Variants in RAPGEF2 observed in about 807,000 individuals in gnomAD.
RAPGEF2 encodes the protein PDZ domain containing guanine nucleotide exchange factor (GEF) 1.
In RAPGEF2, 54 loss-of-function variants were observed where a neutral mutation model predicts 186.7. That is an observed-to-expected ratio of 0.29 (90% CI 0.23 to 0.36). The LOEUF (loss-of-function observed/expected upper bound fraction) is 0.36, where lower values mean the gene tolerates loss of function less well. RAPGEF2 is among the 10% of genes least tolerant of loss of function. RAPGEF2 has a pLI of 1.00. For synonymous variants in RAPGEF2, 712 were observed against 705.9 expected (o/e 1.01, Z -0.14); for missense variants, 1,532 against 2,045.0 (o/e 0.75, Z 4.84).
At chr4:159,104,302 C>A in intron 1 of RAPGEF2, 71 bp downstream of exon 1, 1 of 800,760 alleles carries the variant, frequency 1.2e-6, no homozygotes, top group South Asian at 1.8e-5. Context: ...CCTGTCCCCC[C>A]ACCTCCTTCC....
intron 4 of RAPGEF2, among the ~76,000 whole-genome samples, chr4:159,219,867 A>G (rs1751367801): frequency 6.6e-6 from 1 of 152,202 alleles, no homozygotes; most frequent in South Asian, 2.1e-4. Flanking sequence ...TGATATGCGT[A>G]TACTTCTATC....
At chr4:159,280,859 A>G (rs1189322879) in intron 7 of RAPGEF2, among the ~76,000 whole-genome samples, 1 of 152,178 alleles carries the variant, frequency 6.6e-6, no homozygotes, top group East Asian at 1.9e-4. Context: ...AATAGGAAAG[A>G]ACTATTCCAA....
intron 3 of RAPGEF2, among the ~76,000 whole-genome samples, chr4:159,198,812 T>C (rs1414185185): frequency 6.6e-6 from 1 of 152,000 alleles, no homozygotes; most frequent in Non-Finnish European, 1.5e-5. Flanking sequence ...AATTTTATTA[T>C]GCTTATGTGT....
At chr4:159,351,135 T>A in intron 26 of RAPGEF2, 1 of 1,535,494 alleles carries the variant, frequency 6.5e-7, no homozygotes, top group Non-Finnish European at 8.7e-7. Flanking sequence ...CTCTTGGAAG[T>A]GAGAACAGTA....
intron 1 of RAPGEF2, among the ~76,000 whole-genome samples, chr4:159,160,977 A>T (rs953949347): frequency 2.3e-5 from 3 of 130,378 alleles, no homozygotes; most frequent in Non-Finnish European, 3.6e-5. Context: ...CCTAATTAGA[A>T]ATTAAAGTTT....
intron 8 of RAPGEF2, among the ~76,000 whole-genome samples, chr4:159,308,829 G>A (rs1342530930): frequency 6.6e-6 from 1 of 152,140 alleles, no homozygotes; most frequent in Non-Finnish European, 1.5e-5. Flanking sequence ...TCCTGTCTTA[G>A]ACTTCTGTTT....
chr4:159,151,553 C>T (rs777800710), intron 1 of RAPGEF2, among the ~76,000 whole-genome samples: 24 of 152,036 alleles, frequency 1.6e-4, no homozygotes, highest in Admixed American at 5.9e-4. Flanking sequence ...GACAATGAAT[C>T]GGAATAAATA....
chr4:159,134,853 G>C (rs1429100488), intron 1 of RAPGEF2, among the ~76,000 whole-genome samples: 2 of 152,138 alleles, frequency 1.3e-5, no homozygotes, highest in African/African-American at 2.4e-5. Context: ...GAAAATTCCT[G>C]TACCCTCATC....
At chr4:159,298,037 T>C in intron 7 of RAPGEF2, among the ~76,000 whole-genome samples, 1 of 152,164 alleles carries the variant, frequency 6.6e-6, no homozygotes, top group East Asian at 1.9e-4. Context: ...TGTTAAGTAA[T>C]TACAAATTGT....
intron 1 of RAPGEF2, among the ~76,000 whole-genome samples, chr4:159,164,195 G>A (rs1183791258): frequency 2.0e-5 from 3 of 151,790 alleles, no homozygotes; most frequent in South Asian, 2.1e-4. Context: ...TAGTAGAGGC[G>A]GGGTTTCACC....
intron 7 of RAPGEF2, among the ~76,000 whole-genome samples, chr4:159,288,889 G>A (rs902566787): frequency 1.3e-5 from 2 of 152,010 alleles, no homozygotes; most frequent in African/African-American, 4.8e-5. Flanking sequence ...ATCTTTGGCT[G>A]GATCCTTTGT....
chr4:159,154,635 A>G (rs1194886707), intron 1 of RAPGEF2, among the ~76,000 whole-genome samples: 2 of 152,124 alleles, frequency 1.3e-5, no homozygotes, highest in Admixed American at 6.5e-5. Context: ...TTGTGCTGAT[A>G]ATTTGTAAAA....
At position 159,294,199 on chromosome 4, in the gene RAPGEF2, G is replaced by C. The variant is rs1761615060; in HGVS notation, c.544-10143G>C. On this transcript the variant is annotated intron_variant, in intron 7 of 29. Coordinates refer to ENST00000691494, the MANE Select transcript of RAPGEF2 (RefSeq NM_001394067.2). The stretch of plus-strand genomic sequence containing the variant: ...CTCCTTCCCAAACCCAACCTTTTTT[G>C]TTCACAAAGAAGGCAGCTTAGAATC... Among the ~76,000 whole-genome samples the C allele has an allele frequency of 2.0e-5, 3 of 152,186 alleles. No homozygotes were observed. In the South Asian group the frequency reaches 6.2e-4, roughly 32 times the overall value.
intron 7 of RAPGEF2, among the ~76,000 whole-genome samples, chr4:159,294,412 G>A (rs991646779): frequency 1.3e-4 from 19 of 152,000 alleles, no homozygotes; most frequent in Admixed American, 2.0e-4. Flanking sequence ...CCCTCTCCAG[G>A]GATTGCCGCT....
chr4:159,201,099 G>T (rs185209427), intron 3 of RAPGEF2, among the ~76,000 whole-genome samples: 1 of 152,162 alleles, frequency 6.6e-6, no homozygotes, highest in African/African-American at 2.4e-5. Flanking sequence ...TGCTTACTGT[G>T]CTGTGTTGCA....
intron 7 of RAPGEF2, among the ~76,000 whole-genome samples, chr4:159,277,552 A>G (rs1476740013): frequency 2.0e-5 from 3 of 152,202 alleles, no homozygotes; most frequent in East Asian, 3.8e-4. Flanking sequence ...ACAGTGTAAA[A>G]GTGTTCCTGT....
intron 1 of RAPGEF2, among the ~76,000 whole-genome samples, chr4:159,155,144 T>C (rs894929961): frequency 3.3e-5 from 5 of 152,282 alleles, no homozygotes; most frequent in Admixed American, 6.5e-5. Context: ...CTAGTATGTT[T>C]CCTGTGATTC....
At chr4:159,267,458 T>G in intron 7 of RAPGEF2, 1 of 725,338 alleles carries the variant, frequency 1.4e-6, no homozygotes, top group South Asian at 1.6e-5. Flanking sequence ...ATCATTAAAT[T>G]AAATGTCCAT....
intron 3 of RAPGEF2, among the ~76,000 whole-genome samples, chr4:159,205,897 T>G (rs1379831084): frequency 4.6e-5 from 7 of 151,936 alleles, no homozygotes; most frequent in Non-Finnish European, 1.0e-4. Context: ...GTAAACATGC[T>G]CAGAACACTT....
Sources: allele counts gnomAD v4.1 joint callset (sites outside exome capture counted in the v4.1 genomes callset), GRCh38; gene constraint gnomAD v4.1.1; transcripts MANE v1.5; gene names NCBI Gene and HGNC (gene_info 2026-07-23, HGNC 2026-07-21).